Variants in TEAD1 observed in about 807,000 individuals in gnomAD.
The protein encoded by TEAD1 is transcriptional enhancer factor TEF-1.
In TEAD1, 9 loss-of-function variants were observed where a neutral mutation model predicts 54.9. The ratio of observed to expected loss-of-function variants is 0.16; its 90% CI spans 0.10 to 0.29. The LOEUF (loss-of-function observed/expected upper bound fraction) is 0.29. Ranked by LOEUF, TEAD1 falls within the 10% of genes least tolerant of loss-of-function variation. TEAD1 has a pLI of 1.00. For synonymous variants in TEAD1, 200 were observed against 187.8 expected (o/e 1.07, Z -0.53); for missense variants, 387 against 535.9 (o/e 0.72, Z 2.74).
intron 2 of TEAD1, among the ~76,000 whole-genome samples, chr11:12,682,117 T>G (rs2133812221): frequency 6.6e-6 from 1 of 152,330 alleles, no homozygotes; most frequent in African/African-American, 2.4e-5. Context: ...ATATTCTAAT[T>G]TTTGTCTGCA....
At chr11:12,784,747 G>T (rs1945642022) in intron 3 of TEAD1, among the ~76,000 whole-genome samples, 1 of 152,176 alleles carries the variant, frequency 6.6e-6, no homozygotes, top group Non-Finnish European at 1.5e-5. Flanking sequence ...CAGGATCCTA[G>T]TTCCTCCTTC....
intron 3 of TEAD1, among the ~76,000 whole-genome samples, chr11:12,842,827 CTAACTT>C (rs1947067603): frequency 6.6e-6 from 1 of 152,104 alleles, no homozygotes; most frequent in Non-Finnish European, 1.5e-5. Flanking sequence ...CCTTCTGACA[CTAACTT>C]TAAGAGAGTT....
chr11:12,839,456 C>T lies in TEAD1; in HGVS notation c.203-22794C>T, dbSNP rs180991120. 3.8e-3 allele frequency among the ~76,000 whole-genome samples: 582 copies of T among 152,248 alleles called. 1 individual carries two copies. The highest frequency in any genetic ancestry group is 0.017 in the Middle Eastern group (5 of 294). On this transcript the variant is annotated intron_variant, in intron 3 of 12. Coordinates refer to ENST00000527636, the MANE Select transcript of TEAD1 (RefSeq NM_021961.6). ...AAAACAAAGCTCTTTTTGAAGATCA[C>T]GAGCTTCAGAAAGAAATACTGCATC...
intron 3 of TEAD1, among the ~76,000 whole-genome samples, chr11:12,831,537 G>A (rs1282768685): frequency 1.3e-5 from 2 of 152,002 alleles, no homozygotes; most frequent in Non-Finnish European, 2.9e-5. Context: ...TTTTGTTGTT[G>A]TTGTTGTGTT....
rs1168078992 is a variant in TEAD1 at position 12,938,712 on chromosome 11, C to G, written c.*1490C>G. On this transcript the variant is annotated 3_prime_UTR_variant, in exon 13 of 13. Coordinates refer to ENST00000527636, the MANE Select transcript of TEAD1 (RefSeq NM_021961.6). ...GATTCAACTTTCCAATCTAAGTATT[C>G]CAGAGCATTGCCCAGGCAGAGTTGG... is the stretch of plus-strand genomic sequence containing the variant. 3 of 152,214 alleles carry G rather than the reference C, an allele frequency of 2.0e-5. No individual in the cohort carries two copies. The highest frequency in any genetic ancestry group is 2.0e-4 in the Admixed American group (3 of 15,278). 9.4% of individuals were successfully genotyped at this position (152,214 alleles called of 1,614,324 possible). A position where few individuals can be genotyped will look rare whatever the true frequency, so the allele number is the denominator to read the frequency against.
intron 2 of TEAD1, among the ~76,000 whole-genome samples, chr11:12,760,852 A>G (rs769101885): frequency 1.3e-5 from 2 of 152,164 alleles, no homozygotes; most frequent in South Asian, 2.1e-4. Flanking sequence ...GGTATCCAGT[A>G]TGGGGAGCAT....
chr11:12,912,132 AC>A (rs1948628223), intron 10 of TEAD1, among the ~76,000 whole-genome samples: 1 of 152,188 alleles, frequency 6.6e-6, no homozygotes, highest in South Asian at 2.1e-4. Flanking sequence ...CAAGAGACTC[AC>A]TTGAAAGCTT....
chr11:12,806,392 G>A lies in TEAD1; in HGVS notation c.202+41958G>A, dbSNP rs1476131195. Reference sequence around the variant, plus strand: ...TTTTGAGAACAGATTCAGGGAAGTGGCCTACACAGACCTTGGAAGTGGAAA... The same window carrying A: ...TTTTGAGAACAGATTCAGGGAAGTGACCTACACAGACCTTGGAAGTGGAAA... On this transcript the variant is annotated intron_variant, in intron 3 of 12. Transcript: ENST00000527636. Among the ~76,000 whole-genome samples the A allele has an allele frequency of 2.0e-5, 3 of 152,200 alleles. No homozygotes were observed. In the East Asian group the frequency reaches 5.8e-4, roughly 29 times the overall value.
intron 3 of TEAD1, among the ~76,000 whole-genome samples, chr11:12,853,043 G>C (rs1947306350): frequency 1.3e-5 from 2 of 152,086 alleles, no homozygotes; most frequent in Non-Finnish European, 2.9e-5. Flanking sequence ...CCAGTTGCTG[G>C]TCTGGTGAAG....
At chr11:12,802,130 C>T (rs1201379084) in intron 3 of TEAD1, among the ~76,000 whole-genome samples, 2 of 152,148 alleles carry the variant, frequency 1.3e-5, no homozygotes, top group African/African-American at 4.8e-5. Context: ...AGATATAGCT[C>T]AAAGGTTACC....
intron 2 of TEAD1, among the ~76,000 whole-genome samples, chr11:12,753,527 C>T (rs1944921088): frequency 6.6e-6 from 1 of 152,064 alleles, no homozygotes; most frequent in South Asian, 2.1e-4. Flanking sequence ...TGTTGAACAC[C>T]TTTTCATATG....
chr11:12,917,597 G>T lies in TEAD1; in HGVS notation c.874-7315G>T, dbSNP rs561731967. ...GGTCTCAAACTCCTGGGCGTAAGTG[G>T]CCAGCGTGCCTGGCCCAGCAGCATT... On this transcript the variant is annotated intron_variant, in intron 10 of 12. Transcript: ENST00000527636. Among the ~76,000 whole-genome samples, 6 of 152,284 alleles carry T rather than the reference G, an allele frequency of 3.9e-5. No individual in the cohort carries two copies. The South Asian group carries it at 1.0e-3, about 26-fold the overall frequency.
intron 3 of TEAD1, among the ~76,000 whole-genome samples, chr11:12,836,288 C>T (rs1345285123): frequency 1.2e-4 from 18 of 151,896 alleles, no homozygotes; most frequent in African/African-American, 3.4e-4. Context: ...GGCGTGGTGG[C>T]GGGCGCCTGT....
At chr11:12,804,460 T>G (rs1025760188) in intron 3 of TEAD1, among the ~76,000 whole-genome samples, 12 of 152,242 alleles carry the variant, frequency 7.9e-5, no homozygotes, top group African/African-American at 2.4e-4. Context: ...TTTAATTTTA[T>G]CTACTGTGTT....
At chr11:12,909,770 G>A (rs950428810) in intron 10 of TEAD1, among the ~76,000 whole-genome samples, 3 of 152,142 alleles carry the variant, frequency 2.0e-5, no homozygotes, top group African/African-American at 7.2e-5. Flanking sequence ...CCTTAGTTGA[G>A]TTATTTGCAC....
chr11:12,714,143 G>A (rs531517945), intron 2 of TEAD1, among the ~76,000 whole-genome samples: 8 of 152,262 alleles, frequency 5.3e-5, no homozygotes, highest in South Asian at 4.1e-4. Flanking sequence ...GCAGGAACTC[G>A]GGAGGCTGCC....
chr11:12,683,881 G>A (rs77425664), intron 2 of TEAD1, among the ~76,000 whole-genome samples: 151 of 152,288 alleles, frequency 9.9e-4, no homozygotes, highest in Non-Finnish European at 1.1e-3. Context: ...CGTTGGCTCA[G>A]CTACTTGCTA....
intron 2 of TEAD1, among the ~76,000 whole-genome samples, chr11:12,733,009 G>T (rs975262268): frequency 5.3e-5 from 8 of 152,168 alleles, no homozygotes; most frequent in African/African-American, 1.9e-4. Flanking sequence ...TTCTCACTCT[G>T]TGAGTACCTT....
intron 5 of TEAD1, among the ~76,000 whole-genome samples, chr11:12,876,472 A>G (rs950753767): frequency 6.6e-6 from 1 of 152,138 alleles, no homozygotes; most frequent in African/African-American, 2.4e-5. Flanking sequence ...GCAGAATTTC[A>G]AATACGTGGA....
Sources: gnomAD v4.1 joint callset for allele counts (sites outside exome capture counted in the v4.1 genomes callset) on GRCh38, gnomAD v4.1.1 for gene constraint, MANE v1.5 for transcripts, NCBI Gene and HGNC (gene_info 2026-07-23, HGNC 2026-07-21) for gene names.